The following MAST2 variants were observed in gnomAD, a reference collection of about 807,000 sequenced individuals.
MAST2 encodes microtubule associated serine/threonine kinase 2, also known as microtubule-associated serine/threonine-protein kinase 2.
MAST2 carries 70 observed loss-of-function variants against 147.4 expected under a neutral mutation model. The ratio of observed to expected loss-of-function variants is 0.47; its 90% confidence interval spans 0.39 to 0.58. The LOEUF (loss-of-function observed/expected upper bound fraction) is 0.58. Among genes scored for constraint, MAST2 ranks in the 20% least tolerant of loss-of-function variants. The probability of loss-of-function intolerance (pLI) is 0.00; values close to 1 mark genes in which losing one functional copy is unlikely to be tolerated. For synonymous variants in MAST2, 869 were observed against 896.8 expected, an observed-to-expected ratio of 0.97 and a Z score of 0.55; for missense variants, 2,080 against 2,302.3, an observed-to-expected ratio of 0.90 and a Z score of 1.98.
At chr1:45,980,443 G>A (rs901328739) in intron 5 of MAST2, among the ~76,000 whole-genome samples, 1 of 152,124 alleles carries the variant, frequency 6.6e-6, no homozygotes, top group African/African-American at 2.4e-5. Flanking sequence ...ACCTGAAAGT[G>A]TACCCGCTGA....
In MAST2 at chr1:45,952,672, T is replaced by C. The variant is rs146926900; in HGVS notation, c.501-6714T>C. 4.1e-3 allele frequency among the ~76,000 whole-genome samples: 631 copies of C among 152,260 alleles called. 3 individuals are homozygous for C. The highest frequency in any genetic ancestry group is 0.014 in the Middle Eastern group (4 of 292). ...CAGGAGCCATAAGACTACAGAATAA[T>C]ATTTTTAAAGTATTGAGAAAAAAGT... On this transcript the variant is annotated intron_variant, in intron 4 of 28. Transcript: ENST00000361297.
intron 3 of MAST2, among the ~76,000 whole-genome samples, chr1:45,839,535 A>T (rs2147895212): frequency 6.6e-6 from 1 of 152,174 alleles, no homozygotes; most frequent in East Asian, 1.9e-4. Context: ...GGCCTCCCGA[A>T]ATGCTGGCTT....
At chr1:45,956,544 C>G (rs1211379471) in intron 4 of MAST2, among the ~76,000 whole-genome samples, 1 of 152,210 alleles carries the variant, frequency 6.6e-6, no homozygotes, top group African/African-American at 2.4e-5. Context: ...GAGAGAGCAA[C>G]TACTGCTGTT....
Position 46,023,263 on chromosome 1 carries a change from A to G in MAST2, c.1516A>G (p.Thr506Ala), listed in dbSNP as rs1043314702. The change falls in exon 14 of 29, where the codon ACA (threonine) becomes GCA (alanine). Residue 506 changes from threonine (T) to alanine (A), a missense_variant. Thr to Ala is a moderately conservative substitution (Grantham distance 58). Coordinates refer to ENST00000361297, the MANE Select transcript of MAST2 (RefSeq NM_015112.3). The surrounding 1 kb of genome is among the most constrained non-coding windows in gnomAD (Gnocchi z 4.9). ...TGGGGCATCTCTGCCATCTAAAAAG[A>G]CACCCTCTGAAGAGGACTTCGAGAC... ...GHGASLPSKKTPSEEDFETIK... is the reference protein window; with the variant it reads ...GHGASLPSKKAPSEEDFETIK... 6.8e-6 allele frequency: 11 copies of G among 1,614,166 alleles called. No individual in the cohort carries two copies. In the East Asian group the frequency reaches 2.0e-4, roughly 29 times the overall value.
intron 3 of MAST2, among the ~76,000 whole-genome samples, chr1:45,858,541 A>C (rs975532082): frequency 1.3e-5 from 2 of 149,260 alleles, no homozygotes; most frequent in African/African-American, 2.5e-5. Flanking sequence ...AGATTGCAAA[A>C]ATTTTCCCCC....
At position 46,010,793 on chromosome 1, in the gene MAST2, C is replaced by T; in HGVS notation, c.1042C>T (p.Leu348=). The T allele has an allele frequency of 1.9e-6, 3 of 1,614,220 alleles. No homozygotes were observed. The highest frequency in any genetic ancestry group is 1.7e-6 in the Non-Finnish European group (2 of 1,180,044). Residue 348 remains leucine (L), a synonymous_variant, in exon 10 of 29, where the codon CTG becomes TTG. Transcript: ENST00000361297. ...FISSNTPDSV[L]PLADGALSFI... is the part of the protein sequence containing the mutation. Reference sequence around the variant, plus strand: ...TTCCTCCAACACTCCAGACAGCGTGCTGCCCTTGGCAGATGGAGCCCTGAG... The same window carrying T: ...TTCCTCCAACACTCCAGACAGCGTGTTGCCCTTGGCAGATGGAGCCCTGAG...
Position 46,019,576 on chromosome 1 carries a change from A to C in MAST2, c.1189-20A>C. 6.2e-7 allele frequency: 1 copy of C among 1,605,414 alleles called. No individual in the cohort carries two copies. Among genetic ancestry groups the C allele is most frequent in the Non-Finnish European group, 8.5e-7 (1 of 1,172,678 alleles). ...GCCACACTGGGCCAATAGATTAAGC[A>C]ACGCTTCTTTTCTCTATAGGCTCAT... On this transcript the variant is annotated intron_variant, in intron 10 of 28. Coordinates refer to ENST00000361297, the MANE Select transcript of MAST2 (RefSeq NM_015112.3).
intron 5 of MAST2, among the ~76,000 whole-genome samples, chr1:45,989,396 G>C (rs1375413722): frequency 6.6e-6 from 1 of 152,100 alleles, no homozygotes; most frequent in African/African-American, 2.4e-5. Context: ...TAGTTCCTTT[G>C]ATCTTTAGTC....
At chr1:45,960,482 G>A (rs939381718) in intron 5 of MAST2, among the ~76,000 whole-genome samples, 5 of 152,060 alleles carry the variant, frequency 3.3e-5, no homozygotes, top group African/African-American at 9.7e-5. Flanking sequence ...AGCCTGGGCA[G>A]CAACAGAATG....
chr1:46,025,005 A>G (rs1646344552), intron 15 of MAST2, among the ~76,000 whole-genome samples: 1 of 152,218 alleles, frequency 6.6e-6, no homozygotes, highest in African/African-American at 2.4e-5. Context: ...GAGCTTGTGC[A>G]GGGAAGCTCC....
chr1:45,842,411 C>G (rs900597399), intron 3 of MAST2, among the ~76,000 whole-genome samples: 1 of 152,192 alleles, frequency 6.6e-6, no homozygotes, highest in African/African-American at 2.4e-5. Context: ...CCACCTCTAT[C>G]TAGCTGCAAA....
intron 1 of MAST2, 96 bp downstream of exon 1, chr1:45,804,168 T>G (rs1425092215): frequency 4.1e-5 from 48 of 1,184,922 alleles, no homozygotes; most frequent in African/African-American, 3.1e-4. Context: ...TTTGGAGGGG[T>G]GGGGTCTGAG....
chr1:45,902,846 G>T (rs1388117283), intron 4 of MAST2, among the ~76,000 whole-genome samples: 1 of 151,954 alleles, frequency 6.6e-6, no homozygotes. Context: ...TGTCATTTCT[G>T]ATTGTGCTTA....
intron 4 of MAST2, among the ~76,000 whole-genome samples, chr1:45,925,251 A>G (rs1398603246): frequency 6.6e-6 from 1 of 152,234 alleles, no homozygotes; most frequent in Non-Finnish European, 1.5e-5. Flanking sequence ...CTAGCTCTGT[A>G]ATACATTGCG....
intron 4 of MAST2, among the ~76,000 whole-genome samples, chr1:45,891,239 C>T (rs1385669904): frequency 1.3e-5 from 2 of 152,196 alleles, no homozygotes; most frequent in Non-Finnish European, 2.9e-5. Flanking sequence ...CACCTGTAAT[C>T]CCAGCACTTT....
chr1:45,826,716 C>G (rs1450775995), intron 2 of MAST2, among the ~76,000 whole-genome samples: 1 of 152,212 alleles, frequency 6.6e-6, no homozygotes, highest in Non-Finnish European at 1.5e-5. Context: ...TGCCCAGTTG[C>G]ATTGGTTACA....
chr1:45,957,344 C>T (rs1321996985), intron 4 of MAST2, among the ~76,000 whole-genome samples: 3 of 152,190 alleles, frequency 2.0e-5, no homozygotes, highest in Admixed American at 2.0e-4. Context: ...TAGTTTCGGG[C>T]TTTCACAAAT....
At chr1:45,809,560 A>G (rs1644235323) in intron 1 of MAST2, among the ~76,000 whole-genome samples, 1 of 152,072 alleles carries the variant, frequency 6.6e-6, no homozygotes, top group Non-Finnish European at 1.5e-5. Flanking sequence ...GGACCCCTGG[A>G]AGTTGAGGCT....
At chr1:45,924,147 G>A (rs1653978897) in intron 4 of MAST2, among the ~76,000 whole-genome samples, 1 of 152,026 alleles carries the variant, frequency 6.6e-6, no homozygotes, top group Non-Finnish European at 1.5e-5. Context: ...GGGATTACAG[G>A]CATGAGCCAC....
Sources: allele counts gnomAD v4.1 joint callset (sites outside exome capture counted in the v4.1 genomes callset), GRCh38; gene constraint gnomAD v4.1.1; non-coding constraint Gnocchi (gnomAD v3.1); transcripts MANE v1.5; gene names NCBI Gene and HGNC (gene_info 2026-07-23, HGNC 2026-07-21).